Variants in PPFIA2 observed in about 807,000 individuals in gnomAD.
PPFIA2 encodes the protein PPFI scaffold protein A2, also known as liprin-alpha-2.
In PPFIA2, 46 loss-of-function variants were observed where a neutral mutation model predicts 175.5. The ratio of observed to expected loss-of-function variants is 0.26; its 90% confidence interval spans 0.21 to 0.34. The LOEUF (loss-of-function observed/expected upper bound fraction) is 0.34. PPFIA2 is among the 10% of genes least tolerant of loss of function. The pLI is 1.00. For synonymous variants in PPFIA2, 568 were observed against 511.4 expected (o/e 1.11, Z -1.49); for missense variants, 1,179 against 1,506.1 (o/e 0.78, Z 3.60).
At chr12:81,711,604 T>C (rs10778827) in intron 3 of PPFIA2, among the ~76,000 whole-genome samples, 78,205 of 150,870 alleles carry the variant, frequency 0.52, 22,043 homozygotes, top group Middle Eastern at 0.7. Flanking sequence ...ACACTTACCA[T>C]TCAGAATTGT....
chr12:81,666,491 C>T (rs2070320626), intron 4 of PPFIA2, among the ~76,000 whole-genome samples: 1 of 152,120 alleles, frequency 6.6e-6, no homozygotes, highest in Non-Finnish European at 1.5e-5. Context: ...AACCATCATT[C>T]TCAGCAAACT....
At chr12:81,521,824 A>C (rs1046857956) in intron 4 of PPFIA2, among the ~76,000 whole-genome samples, 67 of 151,746 alleles carry the variant, frequency 4.4e-4, no homozygotes, top group African/African-American at 1.2e-3. Context: ...TCTCACAAAA[A>C]AAAAAAAAAA....
At chr12:81,729,977 G>A (rs1214332688) in intron 3 of PPFIA2, among the ~76,000 whole-genome samples, 2 of 151,564 alleles carry the variant, frequency 1.3e-5, no homozygotes, top group East Asian at 3.9e-4. Flanking sequence ...AGAAAAGAAT[G>A]TAGCCTTTGC....
intron 30 of PPFIA2, 111 bp downstream of exon 30, chr12:81,266,841 C>T (rs2037408836): frequency 1.3e-6 from 1 of 777,844 alleles, no homozygotes; most frequent in Non-Finnish European, 2.2e-6. Flanking sequence ...TTGATTCTAA[C>T]CATAGAACAG....
chr12:81,513,213 T>C (rs2062005460), intron 4 of PPFIA2, among the ~76,000 whole-genome samples: 1 of 151,942 alleles, frequency 6.6e-6, no homozygotes, highest in Non-Finnish European at 1.5e-5. Context: ...CAACTTATTC[T>C]TGCAGGGATG....
At chr12:81,431,413 T>C (rs2048069738) in intron 7 of PPFIA2, 1 of 152,208 alleles carries the variant, frequency 6.6e-6, no homozygotes, top group African/African-American at 2.4e-5. Flanking sequence ...GTGTCTAAAT[T>C]GTCTGGGCTC....
chr12:81,332,845 C>A (rs529306434), intron 21 of PPFIA2, among the ~76,000 whole-genome samples: 1 of 152,060 alleles, frequency 6.6e-6, no homozygotes, highest in South Asian at 2.1e-4. Flanking sequence ...ATCTCAGTTT[C>A]GATATGTATA....
chr12:81,658,701 AAT>A (rs977234498), intron 4 of PPFIA2, among the ~76,000 whole-genome samples: 9 of 151,962 alleles, frequency 5.9e-5, no homozygotes, highest in African/African-American at 1.7e-4. Context: ...GATATATAAA[AAT>A]ATGTTACATA....
At chr12:81,561,673 A>T (rs188394698) in intron 4 of PPFIA2, among the ~76,000 whole-genome samples, 120 of 152,246 alleles carry the variant, frequency 7.9e-4, no homozygotes, top group African/African-American at 2.7e-3. Context: ...ACTTTTTTTA[A>T]ATTATAGCAT....
At position 81,512,386 on chromosome 12, in the gene PPFIA2, C is replaced by G. The variant is rs1029837309; in HGVS notation, c.304-54520G>C. 9 of 1,284,356 alleles carry G rather than the reference C, an allele frequency of 7.0e-6. No individual in the cohort carries two copies. The African/African-American group carries it at 1.2e-4, about 17-fold the overall frequency. The allele number at this position is 1,284,356 out of a possible 1,614,324, so 79.6% of individuals were successfully genotyped here. Reference sequence around the variant, plus strand: ...TTACTTACATTCTCTGAGCATTCTACCTTCTAAACTTTGTGATGCTGGACC... The same window carrying G: ...TTACTTACATTCTCTGAGCATTCTAGCTTCTAAACTTTGTGATGCTGGACC... On this transcript the variant is annotated intron_variant, in intron 4 of 32. Coordinates refer to ENST00000549396, the MANE Select transcript of PPFIA2 (RefSeq NM_003625.5).
chr12:81,421,149 C>A (rs567107367), intron 7 of PPFIA2, among the ~76,000 whole-genome samples: 36 of 152,098 alleles, frequency 2.4e-4, no homozygotes, highest in Non-Finnish European at 5.1e-4. Flanking sequence ...TATAGACCTG[C>A]CTTAAAAGAA....
chr12:81,512,907 GT>G (rs1218476305), intron 4 of PPFIA2, among the ~76,000 whole-genome samples: 16 of 151,912 alleles, frequency 1.1e-4, no homozygotes, highest in Admixed American at 9.2e-4. Context: ...GTATTCCATG[GT>G]GTTAAGTAAA....
chr12:81,493,908 A>G (rs544419110), intron 4 of PPFIA2, among the ~76,000 whole-genome samples: 19 of 151,494 alleles, frequency 1.3e-4, no homozygotes, highest in African/African-American at 4.6e-4. Context: ...AAGAAAATAA[A>G]CATGAAAAAG....
chr12:81,555,026 C>T (rs1307231346), intron 4 of PPFIA2, among the ~76,000 whole-genome samples: 1 of 151,952 alleles, frequency 6.6e-6, no homozygotes, highest in African/African-American at 2.4e-5. Context: ...AAGTTTATTG[C>T]ATTTACAACA....
chr12:81,661,696 G>A (rs1053081404), intron 4 of PPFIA2, among the ~76,000 whole-genome samples: 2 of 152,166 alleles, frequency 1.3e-5, no homozygotes, highest in Non-Finnish European at 2.9e-5. Flanking sequence ...GCACCAAGCA[G>A]ACCTAATAGA....
chr12:81,551,624 C>T (rs1359537641), intron 4 of PPFIA2, among the ~76,000 whole-genome samples: 2 of 151,756 alleles, frequency 1.3e-5, no homozygotes, highest in Non-Finnish European at 2.9e-5. Context: ...AAATAAACCC[C>T]CCATGGATAG....
At chr12:81,486,146 TA>T (rs1369622916) in intron 4 of PPFIA2, among the ~76,000 whole-genome samples, 2 of 151,914 alleles carry the variant, frequency 1.3e-5, no homozygotes, top group Non-Finnish European at 2.9e-5. Flanking sequence ...TCTAGGCACT[TA>T]ATATGTATCA....
At chr12:81,535,994 TA>T (rs1007021961) in intron 4 of PPFIA2, among the ~76,000 whole-genome samples, 2 of 151,698 alleles carry the variant, frequency 1.3e-5, no homozygotes, top group African/African-American at 4.8e-5. Flanking sequence ...AGGCAGGTCA[TA>T]AAAAACAAGC....
chr12:81,699,765 T>C (rs2076292388), intron 3 of PPFIA2, among the ~76,000 whole-genome samples: 2 of 152,032 alleles, frequency 1.3e-5, no homozygotes, highest in Admixed American at 6.6e-5. Flanking sequence ...GTCTTAACCC[T>C]GAATCATCCT....
Sources: gnomAD v4.1 joint callset for allele counts (sites outside exome capture counted in the v4.1 genomes callset) on GRCh38, gnomAD v4.1.1 for gene constraint, MANE v1.5 for transcripts, NCBI Gene and HGNC (gene_info 2026-07-23, HGNC 2026-07-21) for gene names.